ANKRD36C: variants seen among roughly 807,000 people sequenced by gnomAD.
ANKRD36C encodes the protein ankyrin repeat domain-containing protein 36C.
A neutral mutation model predicts 276.4 loss-of-function variants in ANKRD36C; 61 were observed. The observed-to-expected ratio is 0.22, with a 90% confidence interval of 0.18 to 0.27. The LOEUF is 0.27. Ranked by LOEUF, ANKRD36C falls within the 10% of genes least tolerant of loss-of-function variation. The pLI is 1.00. For synonymous variants in ANKRD36C, 483 were observed against 680.1 expected (o/e 0.71, Z 4.51); for missense variants, 1,447 against 2,032.3 (o/e 0.71, Z 5.54).
Position 95,882,591 on chromosome 2 carries a change from T to C in ANKRD36C, c.3266-94A>G, listed in dbSNP as rs1381182342. The C allele has an allele frequency of 1.0e-5, 15 of 1,434,644 alleles. No individual in the cohort carries two copies. In the Admixed American group the frequency reaches 1.1e-4, roughly 11 times the overall value. 88.9% of individuals were successfully genotyped at this position (1,434,644 alleles called of 1,614,324 possible). ...GTGTTAGCATCAAGCTGTATCCTCC[T>C]GCCTGTACTAGTGTAGGATTTGATG... On this transcript the variant is annotated intron_variant, in intron 54 of 66. Transcript: ENST00000456556.
intron 40 of ANKRD36C, 89 bp downstream of exon 42, chr2:95,914,019 T>C (rs1393623568): frequency 2.0e-5 from 26 of 1,326,032 alleles, no homozygotes; most frequent in Non-Finnish European, 2.7e-5. Flanking sequence ...AATGTGCAGC[T>C]TCAACGAGCC....
chr2:95,854,952 T>C (rs534963789), intron 63 of ANKRD36C, among the ~76,000 whole-genome samples: 759 of 152,274 alleles, frequency 5.0e-3, no homozygotes, highest in Non-Finnish European at 8.2e-3. Flanking sequence ...TGATTTATCA[T>C]GGTCTTAAAA....
At chr2:95,988,714 ATAAT>A (rs1184220626) in intron 1 of ANKRD36C, among the ~76,000 whole-genome samples, 4 of 152,246 alleles carry the variant, frequency 2.6e-5, no homozygotes, top group Admixed American at 6.5e-5. Flanking sequence ...ATAAACTAAA[ATAAT>A]TAATTTAAAA....
intron 59 of ANKRD36C, among the ~76,000 whole-genome samples, chr2:95,869,284 TA>T (rs1472127862): frequency 6.6e-6 from 1 of 152,148 alleles, no homozygotes; most frequent in African/African-American, 2.4e-5. Flanking sequence ...CATGAAACTT[TA>T]ATTTGTCACT....
intron 8 of ANKRD36C, among the ~76,000 whole-genome samples, chr2:95,961,011 CGAA>C (rs1052768329): frequency 1.3e-5 from 2 of 151,954 alleles, no homozygotes; most frequent in African/African-American, 4.8e-5. Flanking sequence ...GAATCAATGT[CGAA>C]GCAGGTGATT....
At chr2:95,938,464 T>A (rs76436064) in intron 22 of ANKRD36C, among the ~76,000 whole-genome samples, 1 of 151,976 alleles carries the variant, frequency 6.6e-6, no homozygotes, top group Non-Finnish European at 1.5e-5. Flanking sequence ...ACAATTGTAA[T>A]GTCAGCAGGT....
chr2:95,855,890 C>T (rs1675400855), exon 63 of ANKRD36C: 2 of 1,613,834 alleles, frequency 1.2e-6, no homozygotes, highest in Non-Finnish European at 1.7e-6. Context: ...CCAGTCTTTG[C>T]CCGCTCTCTC....
At chr2:95,914,482 C>T (rs1677032413) in intron 38 of ANKRD36C, among the ~76,000 whole-genome samples, 179 bp from the exon 41 acceptor site, 1 of 151,406 alleles carries the variant, frequency 6.6e-6, no homozygotes, top group Non-Finnish European at 1.5e-5. Context: ...AACGGGAATA[C>T]AGGCTCCATG....
chr2:95,880,942 C>T (rs1676063946), intron 56 of ANKRD36C, among the ~76,000 whole-genome samples: 1 of 152,186 alleles, frequency 6.6e-6, no homozygotes. Context: ...AGGAGCAAGT[C>T]ATAACCCTAG....
chr2:95,991,550 G>A (rs769954979), exon 1 of ANKRD36C: 2 of 1,612,542 alleles, frequency 1.2e-6, no homozygotes, highest in Non-Finnish European at 1.7e-6. Context: ...CATAACGCGT[G>A]AGCAGAACGA....
intron 44 of ANKRD36C, among the ~76,000 whole-genome samples, chr2:95,896,634 G>A (rs2104368068): frequency 7.0e-6 from 1 of 143,568 alleles, no homozygotes; most frequent in African/African-American, 2.6e-5. Context: ...TCAGTGTGGT[G>A]GTGTATTCCA....
At chr2:95,980,286 G>T (rs1678890909) in intron 5 of ANKRD36C, among the ~76,000 whole-genome samples, 1 of 152,056 alleles carries the variant, frequency 6.6e-6, no homozygotes, top group East Asian at 1.9e-4. Flanking sequence ...AAGGTTTTTT[G>T]ATAAACTGGA....
At chr2:95,991,072 C>A (rs1679128561) in intron 1 of ANKRD36C, among the ~76,000 whole-genome samples, 1 of 151,278 alleles carries the variant, frequency 6.6e-6, no homozygotes, top group African/African-American at 2.4e-5. Flanking sequence ...GCGGCTGAGC[C>A]TGCCAGGAAA....
Position 95,918,072 on chromosome 2 carries a change from CAT to C in ANKRD36C, c.2246-32_2246-31del, listed in dbSNP as rs778648665. On this transcript the variant is annotated intron_variant, in intron 34 of 66. Coordinates refer to ENST00000456556, the Ensembl canonical transcript of ANKRD36C. ...AAAGCAAAAGGGATACATAATCACT[CAT>C]GTGTAAATATGATAAAGTTATCCAT... is the stretch of plus-strand genomic sequence containing the variant. The C allele has an allele frequency of 1.3e-3, 2,093 of 1,595,126 alleles. 11 individuals carry two copies. Among genetic ancestry groups the C allele is most frequent in the Middle Eastern group, 1.8e-3 (8 of 4,430 alleles).
chr2:95,887,073 C>G (rs1228366642), intron 50 of ANKRD36C, among the ~76,000 whole-genome samples: 1 of 151,136 alleles, frequency 6.6e-6, no homozygotes, highest in African/African-American at 2.4e-5. Context: ...TTGAATTCAA[C>G]ATTATTTTTG....
intron 6 of ANKRD36C, among the ~76,000 whole-genome samples, chr2:95,968,856 G>GA (rs1197078522): frequency 6.6e-6 from 1 of 152,154 alleles, no homozygotes; most frequent in African/African-American, 2.4e-5. Flanking sequence ...GTGGCTCAGA[G>GA]AACTCATGGA....
At chr2:95,911,529 T>C (rs899845621) in intron 42 of ANKRD36C, among the ~76,000 whole-genome samples, 1 of 151,514 alleles carries the variant, frequency 6.6e-6, no homozygotes, top group Non-Finnish European at 1.5e-5. Context: ...TTCAAGTTTA[T>C]CTCATTTCTA....
chr2:95,952,606 T>A (rs76773522), intron 14 of ANKRD36C, among the ~76,000 whole-genome samples: 4,130 of 115,174 alleles, frequency 0.036, no homozygotes, highest in Admixed American at 0.062. Context: ...TGTATCCACC[T>A]CTCCTATTTC....
chr2:95,988,646 C>T (rs1251160133), intron 1 of ANKRD36C, among the ~76,000 whole-genome samples: 2 of 152,010 alleles, frequency 1.3e-5, no homozygotes, highest in Non-Finnish European at 1.5e-5. Context: ...TAAAGCAGTG[C>T]TTTTGGAATA....
Sources: allele counts gnomAD v4.1 joint callset (sites outside exome capture counted in the v4.1 genomes callset), GRCh38; gene constraint gnomAD v4.1.1; transcripts MANE v1.5; gene names NCBI Gene and HGNC (gene_info 2026-07-23, HGNC 2026-07-21).